Variants in SLC8B1 observed in about 807,000 individuals in gnomAD.
SLC8B1 encodes the protein solute carrier family 8 member B1, also known as mitochondrial sodium/calcium exchanger protein.
Under a neutral mutation model 63.4 loss-of-function variants are expected in SLC8B1, and 52 were observed. The ratio of observed to expected loss-of-function variants is 0.82; its 90% CI spans 0.66 to 1.03. SLC8B1 has a LOEUF of 1.03. Ranked by LOEUF, SLC8B1 falls within the 50% of genes least tolerant of loss-of-function variation. SLC8B1 has a pLI of 0.00. For missense variants in SLC8B1, 657 were observed against 741.7 expected (o/e 0.89, Z 1.33); for synonymous variants, 336 against 323.9 (o/e 1.04, Z -0.40).
chr12:113,329,615 G>A (rs1957034560), intron 2 of SLC8B1, among the ~76,000 whole-genome samples: 1 of 152,144 alleles, frequency 6.6e-6, no homozygotes, highest in African/African-American at 2.4e-5. Context: ...ACAGAGTAAG[G>A]TGGGATTGCT....
intron 11 of SLC8B1, among the ~76,000 whole-genome samples, chr12:113,313,327 TA>T (rs763975993): frequency 0.014 from 1,968 of 139,892 alleles, 19 homozygotes; most frequent in African/African-American, 0.032. Flanking sequence ...AAATTTGCCT[TA>T]AAAAAAAAAA....
At chr12:113,304,435 A>AGG in intron 14 of SLC8B1, 50 bp from the exon 15 acceptor site, 3 of 1,533,890 alleles carry the variant, frequency 2.0e-6, no homozygotes, top group Non-Finnish European at 2.7e-6. Context: ...ACATAACCCA[A>AGG]CCACATAGCC....
At position 113,307,751 on chromosome 12, in the gene SLC8B1, A is replaced by C. The variant is rs1956695952; in HGVS notation, c.1351T>G (p.Phe451Val). Residue 451 changes from phenylalanine (F) to valine (V), a missense_variant, in exon 13 of 16, where the codon TTC becomes GTC. By Grantham distance (50) the Phe-to-Val change is conservative (BLOSUM62 -1). Coordinates refer to ENST00000680972, the MANE Select transcript of SLC8B1 (RefSeq NM_001358345.2). ...VNILRSLGVV[F>V]RLSNTVLGLT... ...CCCAGCACAGTGTTGCTCAGCCGGA[A>C]GACCACACCCAGGGACCGCAAGATG... The C allele has an allele frequency of 1.9e-6, 3 of 1,613,942 alleles. No homozygotes were observed. Among genetic ancestry groups the C allele is most frequent in the Non-Finnish European group, 2.5e-6 (3 of 1,180,042 alleles).
chr12:113,303,543 A>G (rs1956628814), intron 15 of SLC8B1, among the ~76,000 whole-genome samples: 1 of 152,166 alleles, frequency 6.6e-6, no homozygotes, highest in Admixed American at 6.6e-5. Flanking sequence ...TCTGGACTCA[A>G]GTCCTCCAGA....
chr12:113,312,989 T>C (rs965480560), intron 11 of SLC8B1, among the ~76,000 whole-genome samples: 5 of 152,060 alleles, frequency 3.3e-5, no homozygotes, highest in Non-Finnish European at 7.4e-5. Flanking sequence ...CACTGCAGCC[T>C]CTGCCTCCTG....
At chr12:113,328,570 T>C (rs1013807120) in intron 2 of SLC8B1, among the ~76,000 whole-genome samples, 15 of 152,144 alleles carry the variant, frequency 9.9e-5, no homozygotes, top group Non-Finnish European at 1.0e-4. Flanking sequence ...GGTCCTGGAA[T>C]GCCCAGACCC....
At chr12:113,330,218 G>C (rs1957040222) in intron 2 of SLC8B1, among the ~76,000 whole-genome samples, 1 of 152,204 alleles carries the variant, frequency 6.6e-6, no homozygotes, top group South Asian at 2.1e-4. Flanking sequence ...CATGGCACAG[G>C]CCCTGGCACA....
At chr12:113,333,792 T>C (rs982708448) in intron 1 of SLC8B1, among the ~76,000 whole-genome samples, 2 of 152,172 alleles carry the variant, frequency 1.3e-5, no homozygotes, top group Non-Finnish European at 2.9e-5. Context: ...CACTGCAACC[T>C]CTGCCTCCCG....
Position 113,330,492 on chromosome 12 carries a change from A to G in SLC8B1, c.156+2231T>C, listed in dbSNP as rs528836863. ...TCCCTGAACCTTGGAGTCTTCATCT[A>G]TAGCACAGAGATAATCACTCCCACC... On this transcript the variant is annotated intron_variant, in intron 2 of 15. Coordinates refer to ENST00000680972, the MANE Select transcript of SLC8B1 (RefSeq NM_001358345.2). Among the ~76,000 whole-genome samples, 3 of 152,324 alleles carry G rather than the reference A, an allele frequency of 2.0e-5. No individual in the cohort carries two copies. In the South Asian group the frequency reaches 6.2e-4, roughly 32 times the overall value.
chr12:113,318,975 G>C lies in SLC8B1; in HGVS notation c.791C>G (p.Pro264Arg). 4.3e-6 allele frequency: 7 copies of C among 1,613,882 alleles called. No individual in the cohort carries two copies. The highest frequency in any genetic ancestry group is 5.9e-6 in the Non-Finnish European group (7 of 1,179,822). Residue 264 changes from proline to arginine, a missense_variant, in exon 8 of 16, where the codon CCA (proline) becomes CGA (arginine). Physicochemically the swap from Pro to Arg is moderately radical, Grantham distance 103. Coordinates refer to ENST00000680972, the MANE Select transcript of SLC8B1 (RefSeq NM_001358345.2). The stretch of plus-strand genomic sequence containing the variant: ...ATGCAGACTCTTACCTGGAGTAACT[G>C]GCATGGGGCAGAACAGAGATCCTCT... ...QRRGSLFCPMPVTPEILSDSE... is the reference protein window; with the variant it reads ...QRRGSLFCPMRVTPEILSDSE...
intron 2 of SLC8B1, among the ~76,000 whole-genome samples, chr12:113,324,402 CTTTTTTT>C (rs780610962): frequency 7.6e-6 from 1 of 130,828 alleles, no homozygotes; most frequent in Admixed American, 7.7e-5. Context: ...TCAGCTCTAC[CTTTTTTT>C]TTTTTTTTTT....
chr12:113,320,246 C>T lies in SLC8B1; in HGVS notation c.694+85G>A. 6.7e-7 allele frequency: 1 copy of T among 1,489,340 alleles called. No homozygotes were observed. Among genetic ancestry groups the T allele is most frequent in the South Asian group, 1.3e-5 (1 of 78,560 alleles). 92.3% of individuals were successfully genotyped at this position (1,489,340 alleles called of 1,614,324 possible). On this transcript the variant is annotated intron_variant, in intron 7 of 15. Coordinates refer to ENST00000680972, the MANE Select transcript of SLC8B1 (RefSeq NM_001358345.2). This position sits in a 1 kb window ranked among gnomAD's most constrained non-coding sequence, Gnocchi z 5.3. ...CAAATCAAAGCCCCCACTGACCACC[C>T]CTCACACCTCTCTGTCCCAGGCACC...
chr12:113,299,053 G>C lies in SLC8B1; in HGVS notation c.*724C>G, dbSNP rs994658137. The C allele has an allele frequency of 6.6e-6, 1 of 152,556 alleles. No homozygotes were observed. Among genetic ancestry groups the C allele is most frequent in the Non-Finnish European group, 1.5e-5 (1 of 68,344 alleles). 9.5% of individuals were successfully genotyped at this position (152,556 alleles called of 1,614,324 possible). A position where few individuals can be genotyped will look rare whatever the true frequency, so the allele number is the denominator to read the frequency against. ...AGGTTCCAGCACAAAGGAGTCTGTG[G>C]ACAGGCAGGGGCAGAATCCTGGAGG... On this transcript the variant is annotated 3_prime_UTR_variant, in exon 16 of 16. Transcript: ENST00000680972.
rs181336078 is a variant in SLC8B1, at chr12:113,305,385, G to C, written c.1493-1000C>G. Among the ~76,000 whole-genome samples, 1 of 152,384 alleles carries C rather than the reference G, an allele frequency of 6.6e-6. No homozygotes were observed. The highest frequency in any genetic ancestry group is 1.5e-5 in the Non-Finnish European group (1 of 68,048). On this transcript the variant is annotated intron_variant, in intron 14 of 15. Transcript: ENST00000680972. This position sits in a 1 kb window ranked among gnomAD's most constrained non-coding sequence, Gnocchi z 4.3. ...TGCTCACACTGCAGCCCCTGGTGAGGCTCTGTCATCGTGGAGCCTGGAGAG... is the reference window on the plus strand; with the variant it reads ...TGCTCACACTGCAGCCCCTGGTGAGCCTCTGTCATCGTGGAGCCTGGAGAG...
rs774113279 is a variant in SLC8B1, at chr12:113,299,809, C to T, written c.1723G>A (p.Glu575Lys). 1 of 1,614,112 alleles carries T rather than the reference C, an allele frequency of 6.2e-7. No homozygotes were observed. Among genetic ancestry groups the T allele is most frequent in the African/African-American group, 1.3e-5 (1 of 74,954 alleles). ...CTTTTCAGGTGAATCACTCCAAATT[C>T]AGTGAGGAGGGCCACGACAAGGAAG... ...LNFLVVALLT[E>K]FGVIHLKSM The change falls in exon 16 of 16, where the codon GAA (glutamate) becomes AAA (lysine). Residue 575 changes from glutamate to lysine, a missense_variant. By Grantham distance (56) the Glu-to-Lys change is moderately conservative (BLOSUM62 1). Coordinates refer to ENST00000680972, the MANE Select transcript of SLC8B1 (RefSeq NM_001358345.2).
At chr12:113,316,682 G>T in intron 9 of SLC8B1, 26 bp from the exon 10 acceptor site, 1 of 1,609,930 alleles carries the variant, frequency 6.2e-7, no homozygotes, top group Non-Finnish European at 8.5e-7. Context: ...GGGTGGTGAG[G>T]TGTGCCTGCG....
intron 1 of SLC8B1, among the ~76,000 whole-genome samples, chr12:113,334,230 C>A (rs1156407468): frequency 6.6e-6 from 1 of 152,198 alleles, no homozygotes; most frequent in East Asian, 1.9e-4. Flanking sequence ...AACAAAAGTC[C>A]TCAGCAAACT....
rs932958935 is a variant in SLC8B1 at position 113,299,768 on chromosome 12, C to A, written c.*9G>T. 1.2e-6 allele frequency: 2 copies of A among 1,613,722 alleles called. No homozygotes were observed. The highest frequency in any genetic ancestry group is 1.7e-6 in the Non-Finnish European group (2 of 1,179,824). On this transcript the variant is annotated 3_prime_UTR_variant, in exon 16 of 16. Transcript: ENST00000680972. ...CCTGCAGTGAGGCCACAGCACTAAG[C>A]GGCTTCAGTCACATGCTTTTCAGGT...
Position 113,304,391 on chromosome 12 carries a change from G to C in SLC8B1, c.1493-6C>G. ...CCCCACACCCACGAGGATGTCTGCA[G>C]CCCAGCTCAGGAAGCTTTGCTGGAA... On this transcript the variant is annotated splice_polypyrimidine_tract_variant and splice_region_variant and intron_variant, in intron 14 of 15. Coordinates refer to ENST00000680972, the MANE Select transcript of SLC8B1 (RefSeq NM_001358345.2). The C allele has an allele frequency of 6.2e-7, 1 of 1,613,708 alleles. No homozygotes were observed. Among genetic ancestry groups the C allele is most frequent in the Non-Finnish European group, 8.5e-7 (1 of 1,179,838 alleles).
Sources: allele counts gnomAD v4.1 joint callset (sites outside exome capture counted in the v4.1 genomes callset), GRCh38; gene constraint gnomAD v4.1.1; non-coding constraint Gnocchi (gnomAD v3.1); transcripts MANE v1.5; gene names NCBI Gene and HGNC (gene_info 2026-07-23, HGNC 2026-07-21).